SORL1: variants seen among roughly 807,000 people sequenced by gnomAD.
The protein encoded by SORL1 is sortilin related receptor 1.
Under a neutral mutation model 273.7 loss-of-function variants are expected in SORL1, and 127 were observed. The ratio of observed to expected loss-of-function variants is 0.46; its 90% CI spans 0.40 to 0.54. The LOEUF (loss-of-function observed/expected upper bound fraction) is 0.54. SORL1 is among the 20% of genes least tolerant of loss of function. The pLI is 0.00. For missense variants in SORL1, 2,494 were observed against 2,846.1 expected, an observed-to-expected ratio of 0.88 and a Z score of 2.81; for synonymous variants, 1,031 against 1,067.4, an observed-to-expected ratio of 0.97 and a Z score of 0.66.
intron 45 of SORL1, among the ~76,000 whole-genome samples, chr11:121,623,271 T>G (rs1398578918): frequency 6.6e-6 from 1 of 152,226 alleles, no homozygotes; most frequent in East Asian, 1.9e-4. Context: ...TGGTAAAGAT[T>G]TGCAGGGAAG....
chr11:121,588,848 C>A (rs960385943), intron 28 of SORL1, among the ~76,000 whole-genome samples: 2 of 152,180 alleles, frequency 1.3e-5, no homozygotes, highest in African/African-American at 4.8e-5. Flanking sequence ...GCTCTTCACA[C>A]GGTCTTTCCT....
At position 121,605,403 on chromosome 11, in the gene SORL1, G is replaced by A. The variant is rs769214850; in HGVS notation, c.4780G>A (p.Val1594Met). The change falls in exon 35 of 48, where the codon GTG becomes ATG. Residue 1594 changes from valine to methionine, a missense_variant and splice_region_variant. Val to Met is a conservative substitution (Grantham distance 21). Transcript: ENST00000260197. ...ASCVYNVYYR[V>M]VGESIWKTLE... Reference sequence around the variant, plus strand: ...TATCTTTATTTTTTTTTGGGCCAGGGTGGTTGGAGAGAGCATATGGAAGAC... The same window carrying A: ...TATCTTTATTTTTTTTTGGGCCAGGATGGTTGGAGAGAGCATATGGAAGAC... 1.1e-5 allele frequency: 17 copies of A among 1,608,558 alleles called. No individual in the cohort carries two copies. The highest frequency in any genetic ancestry group is 1.4e-5 in the Non-Finnish European group (17 of 1,176,260).
intron 21 of SORL1, among the ~76,000 whole-genome samples, chr11:121,566,156 A>G (rs1020310709): frequency 1.3e-5 from 2 of 152,152 alleles, no homozygotes; most frequent in Non-Finnish European, 2.9e-5. Context: ...TTATGGAATG[A>G]ATAAAGGAGC....
chr11:121,539,759 TA>T (rs1862319750), intron 12 of SORL1, among the ~76,000 whole-genome samples: 1 of 152,198 alleles, frequency 6.6e-6, no homozygotes, highest in Admixed American at 6.5e-5. Context: ...AAAGTTCTAG[TA>T]AAGATAGGAA....
intron 1 of SORL1, among the ~76,000 whole-genome samples, chr11:121,465,805 G>A (rs1025800120): frequency 6.6e-6 from 1 of 152,204 alleles, no homozygotes; most frequent in Non-Finnish European, 1.5e-5. Context: ...GGGATTACAG[G>A]CATGAACCAC....
At chr11:121,557,255 A>G (rs1356995873) in intron 18 of SORL1, 59 bp from the exon 19 acceptor site, 2 of 1,231,510 alleles carry the variant, frequency 1.6e-6, no homozygotes, top group Non-Finnish European at 2.4e-6. Flanking sequence ...ATCTTTGGCA[A>G]TGGGGGTCTT....
intron 11 of SORL1, among the ~76,000 whole-genome samples, chr11:121,523,740 C>G (rs915467170): frequency 2.0e-5 from 3 of 152,094 alleles, no homozygotes; most frequent in Non-Finnish European, 4.4e-5. Flanking sequence ...CAGGGTAAAA[C>G]CCAACAGATC....
At chr11:121,612,974 A>G in intron 40 of SORL1, 142 bp downstream of exon 40, 1 of 624,800 alleles carries the variant, frequency 1.6e-6, no homozygotes, top group Admixed American at 2.5e-5. Flanking sequence ...GTTCTTGTGC[A>G]TTGAGGATCC....
At chr11:121,472,402 G>A (rs2134784722) in intron 2 of SORL1, among the ~76,000 whole-genome samples, 1 of 152,338 alleles carries the variant, frequency 6.6e-6, no homozygotes, top group South Asian at 2.1e-4. Context: ...CAGGAGCCAA[G>A]AGGTGTAAAG....
intron 5 of SORL1, among the ~76,000 whole-genome samples, chr11:121,494,059 A>C (rs776448206): frequency 2.0e-5 from 3 of 152,196 alleles, no homozygotes; most frequent in Admixed American, 6.5e-5. Flanking sequence ...GCTTTATTTG[A>C]ATTTTAAGGG....
chr11:121,590,845 T>A (rs751071177), intron 30 of SORL1, 156 bp from the exon 31 acceptor site: 7 of 818,636 alleles, frequency 8.6e-6, no homozygotes. Context: ...TATACATGAT[T>A]TCTAGATTAG....
rs1167421835 is a variant in SORL1, at chr11:121,604,321, A to C, written c.4648A>C (p.Ser1550Arg). ...CSDESDEKACSDELTVYKVQN... is the reference protein window; with the variant it reads ...CSDESDEKACRDELTVYKVQN... ...GGACGAGAGCGATGAAAAGGCCTGC[A>C]GTGGTGAGTGCCGGTCCACGGGCTG... is the stretch of plus-strand genomic sequence containing the variant. Residue 1550 changes from serine to arginine, a missense_variant, in exon 33 of 48, where the codon AGT becomes CGT. Ser to Arg is a moderately radical substitution (Grantham distance 110, BLOSUM62 -1). This residue lies in a region of SORL1 where 1,609 missense variants were observed against 1,816.4 expected (regional missense o/e 0.89). Coordinates refer to ENST00000260197, the MANE Select transcript of SORL1 (RefSeq NM_003105.6). The C allele has an allele frequency of 1.4e-6, 2 of 1,475,350 alleles. No homozygotes were observed. Among genetic ancestry groups the C allele is most frequent in the Non-Finnish European group, 1.8e-6 (2 of 1,086,150 alleles). The allele number at this position is 1,475,350 out of a possible 1,614,324, so 91.4% of individuals were successfully genotyped here.
rs138954749 is a variant in SORL1 at position 121,606,756 on chromosome 11, C to T, written c.4949-89C>T. On this transcript the variant is annotated intron_variant, in intron 35 of 47. Coordinates refer to ENST00000260197, the MANE Select transcript of SORL1 (RefSeq NM_003105.6). ...ATAGTCTCAATGCCGGCTGTGGAGT[C>T]GTTCTTGTCCTTGTTCTAAGCCCAG... The T allele has an allele frequency of 4.7e-5, 39 of 829,068 alleles. No individual in the cohort carries two copies. The East Asian group carries it at 7.6e-4, about 16-fold the overall frequency. The allele number at this position is 829,068 out of a possible 1,614,324, so 51.4% of individuals were successfully genotyped here.
chr11:121,467,338 G>C (rs1324925753), intron 1 of SORL1, among the ~76,000 whole-genome samples: 4 of 152,168 alleles, frequency 2.6e-5, no homozygotes, highest in Admixed American at 6.5e-5. Flanking sequence ...TGGTGAGGAG[G>C]TCTCCTGTCC....
intron 41 of SORL1, among the ~76,000 whole-genome samples, chr11:121,617,803 A>C (rs1414466963): frequency 6.6e-6 from 1 of 152,202 alleles, no homozygotes; most frequent in East Asian, 1.9e-4. Flanking sequence ...AAACTCCCTC[A>C]GTTTCCAACG....
At chr11:121,528,197 A>G (rs1243132586) in intron 11 of SORL1, among the ~76,000 whole-genome samples, 1 of 152,202 alleles carries the variant, frequency 6.6e-6, no homozygotes, top group East Asian at 1.9e-4. Context: ...GGCTGCACAC[A>G]GTGGCTCATA....
intron 24 of SORL1, among the ~76,000 whole-genome samples, chr11:121,576,033 A>C (rs1224940720): frequency 6.6e-6 from 1 of 152,234 alleles, no homozygotes; most frequent in Non-Finnish European, 1.5e-5. Context: ...CTTTGCCATC[A>C]ACAAGCCTCT....
chr11:121,542,491 A>T (rs910962099), intron 12 of SORL1, among the ~76,000 whole-genome samples: 1 of 151,908 alleles, frequency 6.6e-6, no homozygotes, highest in African/African-American at 2.4e-5. Flanking sequence ...TGGAGCAGTT[A>T]TCGTGTAGAA....
At chr11:121,547,306 G>A (rs575220571) in intron 14 of SORL1, among the ~76,000 whole-genome samples, 2 of 140,536 alleles carry the variant, frequency 1.4e-5, no homozygotes, top group South Asian at 4.6e-4. Context: ...TAAAAAATAG[G>A]TAAGAAAGTC....
Sources: allele counts gnomAD v4.1 joint callset (sites outside exome capture counted in the v4.1 genomes callset), GRCh38; gene constraint gnomAD v4.1.1; regional missense constraint gnomAD v4.1.1; transcripts MANE v1.5; gene names NCBI Gene and HGNC (gene_info 2026-07-23, HGNC 2026-07-21).